HPSE2: variants seen among roughly 807,000 people sequenced by gnomAD.
HPSE2 encodes the protein inactive heparanase-2.
HPSE2 carries 38 observed loss-of-function variants against 60.5 expected under a neutral mutation model. The observed-to-expected ratio is 0.63, with a 90% CI of 0.48 to 0.82. The LOEUF (loss-of-function observed/expected upper bound fraction) is 0.82. HPSE2 is among the 40% of genes least tolerant of loss of function. The pLI is 0.00. For missense variants in HPSE2, 713 were observed against 740.4 expected (o/e 0.96, Z 0.43); for synonymous variants, 295 against 293.2 (o/e 1.01, Z -0.06).
chr10:99,052,680 C>T (rs1383094756), intron 3 of HPSE2, among the ~76,000 whole-genome samples: 1 of 151,936 alleles, frequency 6.6e-6, no homozygotes, highest in Non-Finnish European at 1.5e-5. Flanking sequence ...CAAAATGACA[C>T]ATCACATATA....
At chr10:98,600,911 G>GTATATATGGGTGTATATATATATA (rs576143051) in intron 9 of HPSE2, among the ~76,000 whole-genome samples, 1 of 73,702 alleles carries the variant, frequency 1.4e-5, no homozygotes, top group African/African-American at 3.7e-5. Context: ...ATGTGTGTGT[G>GTATATATGGGTGTATATATATATA]TATATATATA....
chr10:98,744,317 C>T lies in HPSE2; in HGVS notation c.611-261G>A, dbSNP rs183982715. Among the ~76,000 whole-genome samples the T allele has an allele frequency of 1.1e-4, 17 of 151,982 alleles. 1 individual carries two copies. The East Asian group carries it at 3.1e-3, about 28-fold the overall frequency. ...CCGAGGTGGGCAGATCACCTAAGGT[C>T]GGGAGTTCGAGACCAGCCTGACCAA... On this transcript the variant is annotated intron_variant, in intron 3 of 11. Transcript: ENST00000370552.
chr10:98,981,532 G>A (rs1315494577), intron 3 of HPSE2, among the ~76,000 whole-genome samples: 2 of 152,128 alleles, frequency 1.3e-5, no homozygotes, highest in African/African-American at 2.4e-5. Context: ...TATGTTTACA[G>A]ACAGGTTCAA....
At chr10:99,183,003 AAAC>A (rs1847836313) in intron 2 of HPSE2, among the ~76,000 whole-genome samples, 1 of 152,112 alleles carries the variant, frequency 6.6e-6, no homozygotes, top group Admixed American at 6.5e-5. Flanking sequence ...AAAATACATA[AAAC>A]AACAGTTTCA....
chr10:98,509,043 C>T lies in HPSE2; in HGVS notation c.1321-18847G>A, dbSNP rs528722686. ...ACTTAAGAGGTTAGTTTAGATGGCG[C>T]GGTGGCTCATGCCTGTAATCCCAGC... On this transcript the variant is annotated intron_variant, in intron 9 of 11. Transcript: ENST00000370552. 8.2e-4 allele frequency among the ~76,000 whole-genome samples: 125 copies of T among 152,264 alleles called. 1 individual carries two copies. The highest frequency in any genetic ancestry group is 3.4e-3 in the Middle Eastern group (1 of 294).
chr10:98,768,378 G>T (rs2134411077), intron 3 of HPSE2, among the ~76,000 whole-genome samples: 1 of 152,270 alleles, frequency 6.6e-6, no homozygotes, highest in Non-Finnish European at 1.5e-5. Flanking sequence ...GCGGGCAGGA[G>T]ACTCTTGCTT....
chr10:99,284,599 T>G, the HPSE2 span, among the ~76,000 whole-genome samples: 1 of 152,218 alleles, frequency 6.6e-6, no homozygotes, highest in African/African-American at 2.4e-5. Flanking sequence ...CTCTCTTTTT[T>G]GGCAACAGCT....
chr10:98,808,538 G>T (rs1309884933), intron 3 of HPSE2, among the ~76,000 whole-genome samples: 17 of 152,084 alleles, frequency 1.1e-4, no homozygotes, highest in Admixed American at 1.1e-3. Flanking sequence ...TCATGCCTGA[G>T]CAGCCCTTCA....
intron 3 of HPSE2, among the ~76,000 whole-genome samples, chr10:98,924,808 T>C (rs1954398622): frequency 6.6e-6 from 1 of 152,294 alleles, no homozygotes; most frequent in East Asian, 1.9e-4. Context: ...AGTCTTTGTG[T>C]CCTAGACTGT....
chr10:99,297,056 G>A, the HPSE2 span, among the ~76,000 whole-genome samples: 2 of 152,152 alleles, frequency 1.3e-5, no homozygotes, highest in African/African-American at 4.8e-5. Flanking sequence ...CATTTTCCCC[G>A]GCAAGCAGCA....
intron 9 of HPSE2, among the ~76,000 whole-genome samples, chr10:98,515,155 T>C (rs1240816264): frequency 6.6e-6 from 1 of 151,682 alleles, no homozygotes; most frequent in African/African-American, 2.4e-5. Context: ...TGGCTGGAGG[T>C]GATTTATTCC....
At chr10:99,291,886 G>C in the HPSE2 span, among the ~76,000 whole-genome samples, 1 of 152,238 alleles carries the variant, frequency 6.6e-6, no homozygotes, top group African/African-American at 2.4e-5. Flanking sequence ...GTTCCAAACT[G>C]TCGAGTAAAT....
At chr10:98,830,425 C>T (rs988538135) in intron 3 of HPSE2, among the ~76,000 whole-genome samples, 1 of 152,174 alleles carries the variant, frequency 6.6e-6, no homozygotes, top group Non-Finnish European at 1.5e-5. Context: ...TATATCATGC[C>T]TTCCTCTACC....
At chr10:99,309,222 G>C in the HPSE2 span, among the ~76,000 whole-genome samples, 61 of 152,106 alleles carry the variant, frequency 4.0e-4, no homozygotes, top group African/African-American at 1.4e-3. Flanking sequence ...TGGGTTTTTG[G>C]GGGGCAGGTG....
At chr10:98,582,788 G>A (rs1944836613) in intron 9 of HPSE2, among the ~76,000 whole-genome samples, 1 of 152,092 alleles carries the variant, frequency 6.6e-6, no homozygotes, top group Non-Finnish European at 1.5e-5. Flanking sequence ...CCCATTTAGT[G>A]TTTATAACCC....
chr10:98,937,185 C>T (rs1954825674), intron 3 of HPSE2, among the ~76,000 whole-genome samples: 1 of 143,720 alleles, frequency 7.0e-6, no homozygotes, highest in South Asian at 2.1e-4. Context: ...TTCTGCATTT[C>T]CATCTGAGGT....
At chr10:99,118,523 C>CG in intron 3 of HPSE2, among the ~76,000 whole-genome samples, 1 of 102,278 alleles carries the variant, frequency 9.8e-6, no homozygotes, top group Admixed American at 1.1e-4. Context: ...ACTCCTTCTC[C>CG]AAAAAAAAAA....
At chr10:98,726,275 C>A (rs1421037370) in intron 4 of HPSE2, among the ~76,000 whole-genome samples, 2 of 151,988 alleles carry the variant, frequency 1.3e-5, no homozygotes, top group Non-Finnish European at 2.9e-5. Flanking sequence ...GAAAATGTGG[C>A]ACATATACAC....
chr10:99,196,992 T>C (rs893063418), intron 2 of HPSE2, among the ~76,000 whole-genome samples: 1 of 151,918 alleles, frequency 6.6e-6, no homozygotes, highest in Non-Finnish European at 1.5e-5. Flanking sequence ...AACAGATGAG[T>C]GAATAAAGAA....
Sources: allele counts gnomAD v4.1 joint callset (sites outside exome capture counted in the v4.1 genomes callset), GRCh38; gene constraint gnomAD v4.1.1; transcripts MANE v1.5; gene names NCBI Gene and HGNC (gene_info 2026-07-23, HGNC 2026-07-21).